The following TPRG1 variants were observed in gnomAD, a reference collection of about 807,000 sequenced individuals.
The protein encoded by TPRG1 is tumor protein p63 regulated 1.
In TPRG1, 29 loss-of-function variants were observed where a neutral mutation model predicts 29.3. That is an observed-to-expected ratio of 0.99 (90% CI 0.74 to 1.35). The LOEUF (loss-of-function observed/expected upper bound fraction) is 1.35, where lower values mean the gene tolerates loss of function less well. TPRG1 is among the 40% of genes most tolerant of loss of function. TPRG1 has a pLI of 0.00. For synonymous variants in TPRG1, 130 were observed against 116.8 expected (o/e 1.11, Z -0.73); for missense variants, 327 against 335.0 (o/e 0.98, Z 0.19).
chr3:189,130,909 A>T (rs575970486), intron 2 of TPRG1, among the ~76,000 whole-genome samples: 1 of 152,200 alleles, frequency 6.6e-6, no homozygotes, highest in Non-Finnish European at 1.5e-5. Flanking sequence ...GTTCAGGGCC[A>T]TATGTGATTT....
chr3:189,095,869 G>A (rs1021239549), upstream of TPRG1, among the ~76,000 whole-genome samples: 5 of 152,128 alleles, frequency 3.3e-5, no homozygotes, highest in African/African-American at 1.2e-4. Flanking sequence ...AGGGCCTAAC[G>A]TTATAAAATG....
intron 1 of TPRG1, among the ~76,000 whole-genome samples, chr3:189,193,982 T>C (rs1213912975): frequency 6.7e-6 from 1 of 149,996 alleles, no homozygotes; most frequent in Admixed American, 6.7e-5. Context: ...TTCTTGCTTT[T>C]TCATGTTTCT....
chr3:189,245,744 T>C (rs185838650), intron 4 of TPRG1, among the ~76,000 whole-genome samples: 1 of 152,134 alleles, frequency 6.6e-6, no homozygotes, highest in Non-Finnish European at 1.5e-5. Flanking sequence ...GTGTAGTTTT[T>C]TAATAGTTAC....
intron 4 of TPRG1, among the ~76,000 whole-genome samples, chr3:189,274,935 AGTGTGT>A (rs57386934): frequency 0.029 from 3,979 of 137,674 alleles, 67 homozygotes; most frequent in African/African-American, 0.049. Context: ...TAATGTAATG[AGTGTGT>A]GTGTGTGTGT....
At chr3:189,089,322 A>T (rs1375290914) in intron 4 of TPRG1, among the ~76,000 whole-genome samples, 3 of 152,106 alleles carry the variant, frequency 2.0e-5, no homozygotes, top group Non-Finnish European at 2.9e-5. Flanking sequence ...GTTTTTCAAG[A>T]TTCTTCTGTA....
At chr3:189,194,142 G>A (rs1732160066) in intron 1 of TPRG1, among the ~76,000 whole-genome samples, 1 of 151,774 alleles carries the variant, frequency 6.6e-6, no homozygotes, top group African/African-American at 2.4e-5. Flanking sequence ...TTCTGCATAG[G>A]TGCAATGGTA....
At chr3:189,260,760 A>G (rs1712863610) in intron 4 of TPRG1, among the ~76,000 whole-genome samples, 1 of 152,172 alleles carries the variant, frequency 6.6e-6, no homozygotes, top group African/African-American at 2.4e-5. Flanking sequence ...TTTTGGAGAG[A>G]TGCTGGTGAA....
rs542759265 is a variant in TPRG1, at chr3:189,007,289, T to G, written c.-660+2529T>G. ...GACATTTATGCAGCCAAAAAACACA[T>G]GAAAAAATGCTCATCATCACTGGCC... On this transcript the variant is annotated intron_variant, in intron 3 of 10. Transcript: ENST00000433971. Among the ~76,000 whole-genome samples, 283 of 151,560 alleles carry G rather than the reference T, an allele frequency of 1.9e-3. 3 individuals carry two copies. Among genetic ancestry groups the G allele is most frequent in the Admixed American group, 5.0e-3 (76 of 15,244 alleles).
intron 4 of TPRG1, among the ~76,000 whole-genome samples, chr3:189,093,400 G>A (rs1240306023): frequency 6.6e-6 from 1 of 152,162 alleles, no homozygotes; most frequent in African/African-American, 2.4e-5. Flanking sequence ...TTTGACCCAG[G>A]AGAACAGGAG....
chr3:189,050,581 A>C (rs926352166), intron 4 of TPRG1, among the ~76,000 whole-genome samples: 1 of 152,208 alleles, frequency 6.6e-6, no homozygotes, highest in Admixed American at 6.5e-5. Context: ...AATGCATTCT[A>C]TGAAGCCAGC....
At chr3:189,312,350 C>A (rs563434045) in intron 5 of TPRG1, among the ~76,000 whole-genome samples, 70 of 151,710 alleles carry the variant, frequency 4.6e-4, no homozygotes, top group African/African-American at 1.6e-3. Flanking sequence ...TACAGGCGCC[C>A]GAAAACATCT....
intron 4 of TPRG1, among the ~76,000 whole-genome samples, chr3:189,301,080 G>A (rs1355437357): frequency 6.6e-6 from 1 of 152,018 alleles, no homozygotes; most frequent in Non-Finnish European, 1.5e-5. Flanking sequence ...GGCGGATCAT[G>A]AGGTTGGGAG....
chr3:189,295,913 T>TAA (rs55666008), intron 4 of TPRG1, among the ~76,000 whole-genome samples: 512 of 97,174 alleles, frequency 5.3e-3, no homozygotes, highest in Middle Eastern at 0.022. Context: ...AATGATGCTT[T>TAA]AAAAAAAAAA....
intron 3 of TPRG1, among the ~76,000 whole-genome samples, chr3:189,227,078 G>A (rs1242705808): frequency 2.0e-5 from 3 of 151,972 alleles, no homozygotes; most frequent in African/African-American, 4.8e-5. Context: ...ACTAAAGGCA[G>A]GGGGAAGGGA....
intron 4 of TPRG1, among the ~76,000 whole-genome samples, chr3:189,082,534 A>G (rs889222768): frequency 1.3e-5 from 2 of 152,196 alleles, no homozygotes; most frequent in African/African-American, 4.8e-5. Flanking sequence ...CTTTATCTGC[A>G]TACATGCCTG....
At chr3:189,289,656 G>A (rs1718671329) in intron 4 of TPRG1, among the ~76,000 whole-genome samples, 1 of 152,124 alleles carries the variant, frequency 6.6e-6, no homozygotes, top group Non-Finnish European at 1.5e-5. Context: ...TCTTTAACGT[G>A]CCTAATACAG....
At chr3:189,234,442 A>T (rs1258212549) in intron 3 of TPRG1, among the ~76,000 whole-genome samples, 2 of 152,222 alleles carry the variant, frequency 1.3e-5, no homozygotes, top group African/African-American at 2.4e-5. Context: ...TATGTGGATT[A>T]TTTTGTTGTT....
chr3:189,220,562 T>C (rs1736782051), intron 3 of TPRG1, among the ~76,000 whole-genome samples: 4 of 152,204 alleles, frequency 2.6e-5, no homozygotes. Flanking sequence ...TCATTAATCA[T>C]TTTTCCTGAT....
At chr3:189,207,147 C>T (rs1001058512) in intron 1 of TPRG1, 20 of 983,630 alleles carry the variant, frequency 2.0e-5, no homozygotes, top group African/African-American at 7.0e-5. Flanking sequence ...TTTCTCTGTC[C>T]GGAGAGTCTC....
Sources: gnomAD v4.1 joint callset for allele counts (sites outside exome capture counted in the v4.1 genomes callset) on GRCh38, gnomAD v4.1.1 for gene constraint, MANE v1.5 for transcripts, NCBI Gene and HGNC (gene_info 2026-07-23, HGNC 2026-07-21) for gene names.